Variants in PCCA observed in about 807,000 individuals in gnomAD.
PCCA encodes propionyl-CoA carboxylase subunit alpha, also known as propionyl-CoA carboxylase alpha chain, mitochondrial.
In PCCA, 74 loss-of-function variants were observed where a neutral mutation model predicts 101.3. The observed-to-expected ratio is 0.73, with a 90% CI of 0.61 to 0.89. PCCA has a LOEUF of 0.89. Among genes scored for constraint, PCCA ranks in the 40% least tolerant of loss-of-function variants. PCCA has a pLI of 0.00. For missense variants in PCCA, 891 were observed against 907.0 expected, an observed-to-expected ratio of 0.98 and a Z score of 0.23; for synonymous variants, 294 against 313.6, an observed-to-expected ratio of 0.94 and a Z score of 0.66.
intron 8 of PCCA, among the ~76,000 whole-genome samples, chr13:100,237,683 A>G (rs950022550): frequency 6.6e-6 from 1 of 152,116 alleles, no homozygotes; most frequent in African/African-American, 2.4e-5. Flanking sequence ...TTCTAGTTCT[A>G]GGTTAGATAT....
intron 18 of PCCA, among the ~76,000 whole-genome samples, chr13:100,345,379 G>T (rs1436474917): frequency 6.6e-6 from 1 of 152,182 alleles, no homozygotes; most frequent in Non-Finnish European, 1.5e-5. Flanking sequence ...TTATAGGTCT[G>T]GATAGAAGAT....
intron 7 of PCCA, among the ~76,000 whole-genome samples, chr13:100,216,559 A>C (rs1259667269): frequency 6.6e-6 from 1 of 152,222 alleles, no homozygotes; most frequent in African/African-American, 2.4e-5. Context: ...GTCAGTGCTC[A>C]CTAGGTATTT....
intron 21 of PCCA, chr13:100,466,317 C>A (rs752577315): frequency 3.3e-5 from 5 of 152,202 alleles, no homozygotes; most frequent in Admixed American, 2.6e-4. Context: ...TGTGGCGCTT[C>A]CCCCCTTGTG....
intron 21 of PCCA, among the ~76,000 whole-genome samples, chr13:100,508,410 C>T (rs772163393): frequency 6.6e-5 from 10 of 152,170 alleles, no homozygotes; most frequent in East Asian, 1.9e-4. Flanking sequence ...GTCCAGTAAA[C>T]GACTTAACTC....
intron 20 of PCCA, among the ~76,000 whole-genome samples, chr13:100,426,732 G>A (rs1047540177): frequency 2.6e-4 from 40 of 151,900 alleles, no homozygotes; most frequent in Non-Finnish European, 3.5e-4. Flanking sequence ...ACTTGTCCCA[G>A]TATATTTTTT....
At chr13:100,327,156 A>G (rs2068784960) in intron 16 of PCCA, among the ~76,000 whole-genome samples, 1 of 152,198 alleles carries the variant, frequency 6.6e-6, no homozygotes, top group South Asian at 2.1e-4. Flanking sequence ...TGAAACCATT[A>G]CCACAGCCAT....
intron 21 of PCCA, among the ~76,000 whole-genome samples, chr13:100,457,544 A>G (rs6491561): frequency 0.11 from 16,009 of 152,140 alleles, 1,424 homozygotes; most frequent in African/African-American, 0.24. Context: ...GGGCAATGCA[A>G]AGAGACATGA....
At chr13:100,139,269 C>G (rs934832747) in intron 4 of PCCA, among the ~76,000 whole-genome samples, 11 of 151,670 alleles carry the variant, frequency 7.3e-5, no homozygotes, top group African/African-American at 2.7e-4. Context: ...AGGTTTATGT[C>G]TTTTACCAAA....
chr13:100,429,430 G>A (rs1050667089), intron 20 of PCCA, among the ~76,000 whole-genome samples: 9 of 151,890 alleles, frequency 5.9e-5, no homozygotes, highest in African/African-American at 2.2e-4. Context: ...GATTACTGTA[G>A]TAATTGATTA....
chr13:100,109,739 C>T (rs2048129992), intron 2 of PCCA, among the ~76,000 whole-genome samples: 3 of 152,188 alleles, frequency 2.0e-5, no homozygotes, highest in South Asian at 2.1e-4. Context: ...GGGCTTGGCT[C>T]GGGTTGGAGG....
chr13:100,398,827 C>T (rs189970388), intron 19 of PCCA, among the ~76,000 whole-genome samples: 4 of 152,126 alleles, frequency 2.6e-5, no homozygotes, highest in Admixed American at 6.5e-5. Context: ...CATTACTTCC[C>T]GTAAGCTCCA....
chr13:100,171,390 ATAG>A (rs1566629155), intron 6 of PCCA, among the ~76,000 whole-genome samples: 1 of 152,162 alleles, frequency 6.6e-6, no homozygotes, highest in Non-Finnish European at 1.5e-5. Context: ...GCCTCTTGAG[ATAG>A]GGTGATGACA....
chr13:100,501,833 C>T (rs186808412), intron 21 of PCCA, among the ~76,000 whole-genome samples: 7 of 151,930 alleles, frequency 4.6e-5, no homozygotes, highest in East Asian at 3.9e-4. Context: ...GAGATCGTGC[C>T]GCTGCACTCC....
chr13:100,476,624 A>C (rs1268628092), intron 21 of PCCA, among the ~76,000 whole-genome samples: 1 of 152,226 alleles, frequency 6.6e-6, no homozygotes, highest in African/African-American at 2.4e-5. Flanking sequence ...TGATAGGTAC[A>C]TATTTTGTGG....
At chr13:100,140,252 G>A (rs2051706824) in intron 4 of PCCA, among the ~76,000 whole-genome samples, 1 of 152,138 alleles carries the variant, frequency 6.6e-6, no homozygotes, top group South Asian at 2.1e-4. Context: ...CACAGAGAGA[G>A]CAGAAAAAAC....
chr13:100,212,045 C>T (rs1009473631), intron 7 of PCCA, among the ~76,000 whole-genome samples: 4 of 152,126 alleles, frequency 2.6e-5, no homozygotes, highest in Non-Finnish European at 4.4e-5. Context: ...TGGCCTATTG[C>T]CACTTTTCTG....
At chr13:100,206,984 A>G (rs985211901) in intron 6 of PCCA, among the ~76,000 whole-genome samples, 2 of 152,008 alleles carry the variant, frequency 1.3e-5, no homozygotes, top group African/African-American at 4.8e-5. Flanking sequence ...GTCCTCATCA[A>G]CCCTGTATAA....
intron 9 of PCCA, among the ~76,000 whole-genome samples, chr13:100,259,327 T>A (rs960102744): frequency 1.6e-5 from 2 of 125,072 alleles, no homozygotes; most frequent in Non-Finnish European, 3.3e-5. Context: ...AAAAATGTAA[T>A]GGTTTTTTTT....
At chr13:100,402,538 G>A (rs1050848129) in intron 19 of PCCA, among the ~76,000 whole-genome samples, 1 of 152,078 alleles carries the variant, frequency 6.6e-6, no homozygotes, top group African/African-American at 2.4e-5. Flanking sequence ...TTCTTCATGA[G>A]GGCCATGAAG....
Sources: allele counts gnomAD v4.1 joint callset (sites outside exome capture counted in the v4.1 genomes callset), GRCh38; gene constraint gnomAD v4.1.1; transcripts MANE v1.5; gene names NCBI Gene and HGNC (gene_info 2026-07-23, HGNC 2026-07-21).